BTRC: variants seen among roughly 807,000 people sequenced by gnomAD.
BTRC encodes the protein F-box/WD repeat-containing protein 1A.
A neutral mutation model predicts 85.5 loss-of-function variants in BTRC; 42 were observed. The observed-to-expected ratio is 0.49, with a 90% confidence interval of 0.38 to 0.64. The LOEUF is 0.64. Among genes scored for constraint, BTRC ranks in the 30% least tolerant of loss-of-function variants. The probability of loss-of-function intolerance (pLI) is 0.00; values close to 1 mark genes in which losing one functional copy is unlikely to be tolerated. For synonymous variants in BTRC, 255 were observed against 263.3 expected, an observed-to-expected ratio of 0.97 and a Z score of 0.30; for missense variants, 594 against 743.5, an observed-to-expected ratio of 0.80 and a Z score of 2.34.
At chr10:101,358,991 G>A (rs1055318803) in intron 1 of BTRC, among the ~76,000 whole-genome samples, 5 of 152,132 alleles carry the variant, frequency 3.3e-5, no homozygotes, top group African/African-American at 1.2e-4. Flanking sequence ...AATAAAAATG[G>A]TATCGGCCAA....
chr10:101,381,962 C>CTTTTTTTTTTTTTTTTTTTTTTTT (rs71016314), intron 1 of BTRC, among the ~76,000 whole-genome samples: 1 of 49,106 alleles, frequency 2.0e-5, no homozygotes. Flanking sequence ...CTAAGAATGT[C>CTTTTTTTTTTTTTTTTTTTTTTTT]TTTTTTTTTT....
chr10:101,511,644 C>G (rs2061956268), intron 4 of BTRC, among the ~76,000 whole-genome samples: 2 of 152,168 alleles, frequency 1.3e-5, no homozygotes, highest in African/African-American at 4.8e-5. Flanking sequence ...TAACCTCTGC[C>G]TCCCGGGTTC....
At chr10:101,503,296 G>T (rs2134298149) in intron 4 of BTRC, among the ~76,000 whole-genome samples, 1 of 152,238 alleles carries the variant, frequency 6.6e-6, no homozygotes, top group South Asian at 2.1e-4. Context: ...AGCAGTCCTG[G>T]TCTTCTACAT....
chr10:101,430,293 T>C, intron 1 of BTRC, 52 bp from the exon 2 acceptor site: 1 of 1,268,402 alleles, frequency 7.9e-7, no homozygotes, highest in Admixed American at 2.1e-5. Context: ...TCCTGTAATC[T>C]GTGCCATCCT....
In BTRC at chr10:101,532,411, C is replaced by A; in HGVS notation, c.957C>A (p.Gly319=). The A allele has an allele frequency of 1.2e-6, 2 of 1,611,364 alleles. No individual in the cohort carries two copies. The highest frequency in any genetic ancestry group is 1.7e-4 in the Middle Eastern group (1 of 6,044). Residue 319 remains glycine (G), a synonymous_variant, in exon 8 of 15, where the codon GGC becomes GGA. Coordinates refer to ENST00000370187, the MANE Select transcript of BTRC (RefSeq NM_033637.4). The part of the protein sequence containing the change: ...LQYDDQKIVS[G]LRDNTIKIWD... ...ATGATGATCAGAAAATAGTAAGCGGCCTTCGAGACAACACAATCAAGGTGA... is the reference window on the plus strand; with the variant it reads ...ATGATGATCAGAAAATAGTAAGCGGACTTCGAGACAACACAATCAAGGTGA...
At chr10:101,366,811 T>A (rs12217999) in intron 1 of BTRC, among the ~76,000 whole-genome samples, 3 of 76,134 alleles carry the variant, frequency 3.9e-5, no homozygotes, top group East Asian at 3.5e-4. Flanking sequence ...TATATATATT[T>A]ATATATATTA....
At chr10:101,461,108 G>GC (rs1945213648) in intron 2 of BTRC, among the ~76,000 whole-genome samples, 3 of 152,070 alleles carry the variant, frequency 2.0e-5, no homozygotes, top group Admixed American at 2.0e-4. Context: ...CAGCATGTTG[G>GC]CCAGGCTGGT....
chr10:101,478,799 AAAG>A (rs1274601463), intron 3 of BTRC, among the ~76,000 whole-genome samples: 3 of 151,304 alleles, frequency 2.0e-5, no homozygotes, highest in African/African-American at 4.8e-5. Context: ...AAAAAAAAGA[AAAG>A]AAAAAAAGAG....
intron 3 of BTRC, among the ~76,000 whole-genome samples, chr10:101,467,195 TA>T (rs35514260): frequency 0.38 from 55,524 of 146,834 alleles, 11,219 homozygotes; most frequent in Middle Eastern, 0.49. Flanking sequence ...TTTCTTCCTT[TA>T]AAAAAAAAAA....
intron 13 of BTRC, among the ~76,000 whole-genome samples, chr10:101,545,969 A>G (rs1251676119): frequency 4.6e-5 from 7 of 152,236 alleles, no homozygotes; most frequent in African/African-American, 1.7e-4. Flanking sequence ...ATCAAAACAT[A>G]TGAGGCAAAA....
chr10:101,487,860 C>T (rs1946030695), intron 4 of BTRC, among the ~76,000 whole-genome samples: 1 of 152,170 alleles, frequency 6.6e-6, no homozygotes, highest in South Asian at 2.1e-4. Context: ...GCAAAAAAAT[C>T]TGTGTTTTAT....
At chr10:101,366,334 G>C (rs1435379844) in intron 1 of BTRC, among the ~76,000 whole-genome samples, 1 of 151,906 alleles carries the variant, frequency 6.6e-6, no homozygotes, top group African/African-American at 2.4e-5. Context: ...GGGGCAGAGG[G>C]GGGTGAAGAT....
intron 3 of BTRC, among the ~76,000 whole-genome samples, chr10:101,476,903 G>A (rs2134216598): frequency 6.6e-6 from 1 of 152,262 alleles, no homozygotes; most frequent in Non-Finnish European, 1.5e-5. Flanking sequence ...TCCTGGATCA[G>A]CAGCACTAAC....
At chr10:101,392,072 C>T (rs1029902279) in intron 1 of BTRC, among the ~76,000 whole-genome samples, 9 of 152,172 alleles carry the variant, frequency 5.9e-5, no homozygotes, top group South Asian at 2.1e-4. Context: ...TTCTGCCTCC[C>T]GGGTTCAAGT....
intron 9 of BTRC, among the ~76,000 whole-genome samples, chr10:101,533,322 T>G (rs1488268971): frequency 1.3e-5 from 2 of 152,190 alleles, no homozygotes; most frequent in African/African-American, 4.8e-5. Context: ...TTACAGAAAC[T>G]TTTCTTATCC....
chr10:101,381,962 CTTTTTTTTTTTTTTTTTTTTTTT>C (rs71016314), intron 1 of BTRC, among the ~76,000 whole-genome samples: 5 of 49,156 alleles, frequency 1.0e-4, no homozygotes, highest in South Asian at 1.1e-3. Flanking sequence ...CTAAGAATGT[CTTTTTTTTTTTTTTTTTTTTTTT>C]TTTTTTTTTT....
intron 1 of BTRC, among the ~76,000 whole-genome samples, chr10:101,356,994 C>A (rs1942053491): frequency 6.6e-6 from 1 of 151,028 alleles, no homozygotes; most frequent in Non-Finnish European, 1.5e-5. Context: ...GCGGGTGTGG[C>A]AGCGTGCGCC....
intron 1 of BTRC, among the ~76,000 whole-genome samples, chr10:101,359,492 A>G (rs962773428): frequency 2.6e-5 from 4 of 152,048 alleles, no homozygotes; most frequent in Non-Finnish European, 5.9e-5. Flanking sequence ...CAGTGGCACA[A>G]TTTCGGTTCA....
chr10:101,497,713 A>G (rs942599267), intron 4 of BTRC, among the ~76,000 whole-genome samples: 25 of 151,448 alleles, frequency 1.7e-4, no homozygotes, highest in Non-Finnish European at 7.4e-5. Context: ...CTATCAGTCA[A>G]TCAACCCATA....
Sources: gnomAD v4.1 joint callset for allele counts (sites outside exome capture counted in the v4.1 genomes callset) on GRCh38, gnomAD v4.1.1 for gene constraint, MANE v1.5 for transcripts, NCBI Gene and HGNC (gene_info 2026-07-23, HGNC 2026-07-21) for gene names.